The following AKAP6 variants were observed in gnomAD, a reference collection of about 807,000 sequenced individuals.
AKAP6 encodes the protein A-kinase anchor protein 6.
A neutral mutation model predicts 188.5 loss-of-function variants in AKAP6; 58 were observed. That is an observed-to-expected ratio of 0.31 (90% CI 0.25 to 0.38). The LOEUF is 0.38. Among genes scored for constraint, AKAP6 ranks in the 10% least tolerant of loss-of-function variants. The pLI, the probability that AKAP6 is intolerant of heterozygous loss-of-function variation, is 1.00. For missense variants in AKAP6, 2,710 were observed against 2,740.0 expected (o/e 0.99, Z 0.24); for synonymous variants, 989 against 998.6 (o/e 0.99, Z 0.18).
chr14:32,671,487 C>G (rs1889192505), intron 7 of AKAP6, among the ~76,000 whole-genome samples: 1 of 147,490 alleles, frequency 6.8e-6, no homozygotes, highest in Non-Finnish European at 1.5e-5. Context: ...TTTTCTTTTT[C>G]TCTCTATTTT....
chr14:32,725,607 T>C (rs1399265761), intron 9 of AKAP6, among the ~76,000 whole-genome samples: 2 of 152,222 alleles, frequency 1.3e-5, no homozygotes, highest in Non-Finnish European at 1.5e-5. Context: ...AGGATATTAA[T>C]AGCCTTCTGT....
intron 7 of AKAP6, among the ~76,000 whole-genome samples, chr14:32,676,890 G>T (rs946855474): frequency 3.3e-5 from 5 of 152,256 alleles, no homozygotes; most frequent in African/African-American, 1.2e-4. Flanking sequence ...CTGAAGTGCA[G>T]TCATGCAATC....
At chr14:32,802,190 G>A (rs1489666217) in intron 12 of AKAP6, among the ~76,000 whole-genome samples, 1 of 151,974 alleles carries the variant, frequency 6.6e-6, no homozygotes, top group Non-Finnish European at 1.5e-5. Flanking sequence ...TTCAGTTTGG[G>A]AATTTTTTGT....
At chr14:32,727,937 C>T (rs181768258) in intron 9 of AKAP6, among the ~76,000 whole-genome samples, 3 of 152,216 alleles carry the variant, frequency 2.0e-5, no homozygotes, top group Admixed American at 6.5e-5. Flanking sequence ...GCATCATATG[C>T]GTTATGAGAT....
intron 12 of AKAP6, among the ~76,000 whole-genome samples, chr14:32,801,358 C>T (rs189640087): frequency 3.6e-4 from 55 of 152,032 alleles, no homozygotes; most frequent in Non-Finnish European, 2.4e-4. Context: ...TAAACAAATC[C>T]GAGTTTACCT....
At chr14:32,700,694 C>A (rs1890586426) in intron 9 of AKAP6, among the ~76,000 whole-genome samples, 1 of 152,162 alleles carries the variant, frequency 6.6e-6, no homozygotes, top group Non-Finnish European at 1.5e-5. Flanking sequence ...GAGCAATAGG[C>A]TCTACCGTAT....
chr14:32,706,806 C>T (rs1890829720), intron 9 of AKAP6, among the ~76,000 whole-genome samples: 1 of 152,012 alleles, frequency 6.6e-6, no homozygotes, highest in Admixed American at 6.6e-5. Context: ...ACACAAAACA[C>T]ACAAACACAC....
intron 11 of AKAP6, among the ~76,000 whole-genome samples, chr14:32,751,020 C>T (rs1305700705): frequency 1.3e-5 from 2 of 152,060 alleles, no homozygotes; most frequent in African/African-American, 2.4e-5. Flanking sequence ...AGGCGTGAGC[C>T]ACCGCACCCA....
At chr14:32,705,156 G>A (rs1401905815) in intron 9 of AKAP6, among the ~76,000 whole-genome samples, 2 of 152,102 alleles carry the variant, frequency 1.3e-5, no homozygotes, top group African/African-American at 2.4e-5. Context: ...GGAGTATTAG[G>A]GAATTCTCCA....
chr14:32,416,110 G>C (rs911684404), intron 1 of AKAP6, among the ~76,000 whole-genome samples: 1 of 152,150 alleles, frequency 6.6e-6, no homozygotes, highest in Non-Finnish European at 1.5e-5. Context: ...AATTGTTTGA[G>C]GAACTGCCAT....
chr14:32,797,592 G>T (rs539634509), intron 12 of AKAP6, among the ~76,000 whole-genome samples: 1 of 151,794 alleles, frequency 6.6e-6, no homozygotes, highest in Non-Finnish European at 1.5e-5. Flanking sequence ...GACACATGTG[G>T]GTGAAACAAC....
intron 7 of AKAP6, among the ~76,000 whole-genome samples, chr14:32,617,231 C>G (rs1371096629): frequency 6.6e-6 from 1 of 152,046 alleles, no homozygotes; most frequent in Non-Finnish European, 1.5e-5. Context: ...CCAAAACGTC[C>G]CAGTTTATCT....
Position 32,832,868 on chromosome 14 carries a change from T to A in AKAP6, c.*3063T>A, listed in dbSNP as rs2034836054. ...ACTGTTTCCTCAACTGCCCTTCATA[T>A]GTCATGGTTTTCAGATCCATTCCAA... is the stretch of plus-strand genomic sequence containing the variant. On this transcript the variant is annotated 3_prime_UTR_variant, in exon 14 of 14. Coordinates refer to ENST00000280979, the MANE Select transcript of AKAP6 (RefSeq NM_004274.5). 6.6e-6 allele frequency: 1 copy of A among 152,648 alleles called. No homozygotes were observed. Among genetic ancestry groups the A allele is most frequent in the South Asian group, 2.1e-4 (1 of 4,830 alleles). 9.5% of individuals were successfully genotyped at this position (152,648 alleles called of 1,614,324 possible). A position where few individuals can be genotyped will look rare whatever the true frequency, so the allele number is the denominator to read the frequency against.
intron 7 of AKAP6, among the ~76,000 whole-genome samples, chr14:32,638,971 G>T (rs1887641731): frequency 6.6e-6 from 1 of 152,064 alleles, no homozygotes; most frequent in African/African-American, 2.4e-5. Context: ...GTGTGTTTTA[G>T]TGGGAATTTT....
intron 1 of AKAP6, among the ~76,000 whole-genome samples, chr14:32,390,710 G>C (rs1189538982): frequency 2.0e-5 from 3 of 152,102 alleles, no homozygotes; most frequent in African/African-American, 7.2e-5. Context: ...ACCATCTGTG[G>C]GTCTCTCAGC....
At chr14:32,380,490 A>G (rs560795161) in intron 1 of AKAP6, among the ~76,000 whole-genome samples, 1 of 152,354 alleles carries the variant, frequency 6.6e-6, no homozygotes, top group Non-Finnish European at 1.5e-5. Flanking sequence ...TGAATAAATG[A>G]ATGAAGATTT....
At chr14:32,795,678 T>C (rs949538195) in intron 12 of AKAP6, among the ~76,000 whole-genome samples, 4 of 152,056 alleles carry the variant, frequency 2.6e-5, no homozygotes, top group African/African-American at 4.8e-5. Context: ...ATCAATAGCA[T>C]GCTGAATGGG....
chr14:32,461,467 G>A (rs1174089820), intron 2 of AKAP6, among the ~76,000 whole-genome samples: 1 of 152,152 alleles, frequency 6.6e-6, no homozygotes, highest in Non-Finnish European at 1.5e-5. Context: ...AACTGTAGCA[G>A]ACCTGCAGAA....
intron 2 of AKAP6, among the ~76,000 whole-genome samples, chr14:32,510,259 A>G (rs1315743666): frequency 6.6e-6 from 1 of 151,580 alleles, no homozygotes; most frequent in Non-Finnish European, 1.5e-5. Context: ...TAGATCTTGC[A>G]TATGCCAAAG....
Sources: gnomAD v4.1 joint callset for allele counts (sites outside exome capture counted in the v4.1 genomes callset) on GRCh38, gnomAD v4.1.1 for gene constraint, MANE v1.5 for transcripts, NCBI Gene and HGNC (gene_info 2026-07-23, HGNC 2026-07-21) for gene names.